Variants in GPC5 observed in about 807,000 individuals in gnomAD.
GPC5 encodes glypican-5.
Under a neutral mutation model 53.9 loss-of-function variants are expected in GPC5, and 47 were observed. That is an observed-to-expected ratio of 0.87 (90% CI 0.69 to 1.11). The LOEUF (loss-of-function observed/expected upper bound fraction) is 1.11. Ranked by LOEUF, GPC5 falls within the 50% of genes most tolerant of loss-of-function variation. GPC5 has a pLI of 0.00. For synonymous variants in GPC5, 286 were observed against 263.3 expected, an observed-to-expected ratio of 1.09 and a Z score of -0.84; for missense variants, 748 against 713.1, an observed-to-expected ratio of 1.05 and a Z score of -0.56.
Position 91,615,310 on chromosome 13 carries a change from C to T in GPC5, c.326-77877C>T, listed in dbSNP as rs545899549. Among the ~76,000 whole-genome samples the T allele has an allele frequency of 9.5e-4, 144 of 152,284 alleles. 1 individual carries two copies. The highest frequency in any genetic ancestry group is 3.4e-3 in the Middle Eastern group (1 of 294). On this transcript the variant is annotated intron_variant, in intron 2 of 7. Coordinates refer to ENST00000377067, the MANE Select transcript of GPC5 (RefSeq NM_004466.6). ...GCACAAGATAATTCCCACATGTCCA[C>T]ATACTAGTTAGAAGAAGGAGGGAAG...
intron 2 of GPC5, among the ~76,000 whole-genome samples, chr13:91,471,752 T>C (rs555325495): frequency 6.1e-4 from 93 of 152,194 alleles, no homozygotes; most frequent in Non-Finnish European, 1.1e-3. Flanking sequence ...TCTTTTCTCT[T>C]CCTATTTTTG....
intron 2 of GPC5, among the ~76,000 whole-genome samples, chr13:91,567,484 G>A (rs533467766): frequency 2.6e-4 from 40 of 152,286 alleles, no homozygotes; most frequent in Non-Finnish European, 4.0e-4. Context: ...CAGGTACACT[G>A]AATCAGGGCA....
intron 5 of GPC5, among the ~76,000 whole-genome samples, chr13:91,759,258 T>C (rs1210201956): frequency 1.3e-5 from 2 of 152,128 alleles, no homozygotes; most frequent in African/African-American, 2.4e-5. Flanking sequence ...TATGTGTACA[T>C]AGCAGGTGTA....
intron 7 of GPC5, among the ~76,000 whole-genome samples, chr13:92,811,477 T>G (rs1877297513): frequency 6.6e-6 from 1 of 152,014 alleles, no homozygotes; most frequent in East Asian, 1.9e-4. Flanking sequence ...GCTGTTCTGT[T>G]GATACTGAGT....
intron 7 of GPC5, among the ~76,000 whole-genome samples, chr13:92,837,882 C>T (rs1488197033): frequency 6.6e-6 from 1 of 150,626 alleles, no homozygotes; most frequent in Non-Finnish European, 1.5e-5. Context: ...CACCTGAGGT[C>T]GGGAGTTTGA....
At chr13:92,632,598 T>C (rs1054747141) in intron 7 of GPC5, among the ~76,000 whole-genome samples, 5 of 151,728 alleles carry the variant, frequency 3.3e-5, no homozygotes, top group African/African-American at 1.2e-4. Flanking sequence ...TAAGAAAATA[T>C]GTAATTACTA....
At chr13:92,491,814 A>C (rs553207145) in intron 7 of GPC5, among the ~76,000 whole-genome samples, 1 of 152,262 alleles carries the variant, frequency 6.6e-6, no homozygotes, top group Admixed American at 6.5e-5. Flanking sequence ...CTAGAAAACC[A>C]AACCTCATAA....
At chr13:91,432,207 GT>G (rs1594081089) in intron 1 of GPC5, among the ~76,000 whole-genome samples, 1,376 of 121,462 alleles carry the variant, frequency 0.011, 11 homozygotes, top group African/African-American at 0.028. Context: ...CTGCTGCTGT[GT>G]GTGTGTGTGT....
intron 7 of GPC5, among the ~76,000 whole-genome samples, chr13:92,748,618 G>A (rs542748531): frequency 5.1e-4 from 78 of 152,068 alleles, no homozygotes; most frequent in African/African-American, 1.8e-3. Flanking sequence ...ACGGCACCTG[G>A]CCTGTCATTT....
chr13:92,383,745 T>C (rs2043769344), intron 7 of GPC5, among the ~76,000 whole-genome samples: 1 of 152,194 alleles, frequency 6.6e-6, no homozygotes, highest in Admixed American at 6.5e-5. Context: ...AATTAATGAC[T>C]CATGTCCTAA....
intron 7 of GPC5, among the ~76,000 whole-genome samples, chr13:92,831,241 A>C (rs989057760): frequency 6.6e-6 from 1 of 152,150 alleles, no homozygotes; most frequent in Non-Finnish European, 1.5e-5. Context: ...ACTCCAAATT[A>C]GGAGAAATTA....
chr13:92,467,958 C>T (rs993155415), intron 7 of GPC5, among the ~76,000 whole-genome samples: 2 of 152,042 alleles, frequency 1.3e-5, no homozygotes, highest in African/African-American at 2.4e-5. Context: ...AAAGAAGAAA[C>T]AAGTTCCTGG....
At chr13:91,610,171 T>C (rs941337505) in intron 2 of GPC5, among the ~76,000 whole-genome samples, 29 of 152,330 alleles carry the variant, frequency 1.9e-4, no homozygotes, top group African/African-American at 6.5e-4. Flanking sequence ...GTCAGAACAG[T>C]AGAAAGATTA....
chr13:92,804,381 A>G (rs1451794249), intron 7 of GPC5, among the ~76,000 whole-genome samples: 1 of 152,024 alleles, frequency 6.6e-6, no homozygotes, highest in Non-Finnish European at 1.5e-5. Context: ...AGACCACAAC[A>G]ATAAAGCAAG....
rs561733190 is a variant in GPC5, at chr13:91,812,210, A to G, written c.1280+55790A>G. 2.4e-3 allele frequency among the ~76,000 whole-genome samples: 373 copies of G among 152,336 alleles called. 3 individuals are homozygous for G. Among genetic ancestry groups the G allele is most frequent in the African/African-American group, 8.5e-3 (355 of 41,576 alleles). On this transcript the variant is annotated intron_variant, in intron 5 of 7. Coordinates refer to ENST00000377067, the MANE Select transcript of GPC5 (RefSeq NM_004466.6). ...ACAAACACTTGCAGAAGTCCAGACT[A>G]TAAATATAAAAATGTCTTTGCTTTT...
At chr13:92,304,671 A>T (rs2043099242) in intron 7 of GPC5, among the ~76,000 whole-genome samples, 1 of 131,504 alleles carries the variant, frequency 7.6e-6, no homozygotes, top group Admixed American at 7.2e-5. Context: ...GCTTTCTCAA[A>T]TATGTAAGTT....
intron 7 of GPC5, among the ~76,000 whole-genome samples, chr13:92,590,999 A>C (rs997407501): frequency 6.6e-6 from 1 of 152,226 alleles, no homozygotes; most frequent in African/African-American, 2.4e-5. Flanking sequence ...ACTATGTAGC[A>C]GGACCCCATA....
intron 7 of GPC5, among the ~76,000 whole-genome samples, chr13:92,518,999 C>T (rs1223578658): frequency 6.6e-6 from 1 of 152,124 alleles, no homozygotes; most frequent in Non-Finnish European, 1.5e-5. Flanking sequence ...ATAAAACAGA[C>T]TTTAAACCAA....
chr13:91,739,316 C>G (rs1312901527), intron 4 of GPC5, among the ~76,000 whole-genome samples: 4 of 151,292 alleles, frequency 2.6e-5, no homozygotes, highest in Admixed American at 6.6e-5. Flanking sequence ...CTGCTGTGTT[C>G]CAACTCATAG....
Sources: gnomAD v4.1 joint callset for allele counts (sites outside exome capture counted in the v4.1 genomes callset) on GRCh38, gnomAD v4.1.1 for gene constraint, MANE v1.5 for transcripts, NCBI Gene and HGNC (gene_info 2026-07-23, HGNC 2026-07-21) for gene names.